Variants in DLC1 observed in about 807,000 individuals in gnomAD.
The protein encoded by DLC1 is rho GTPase-activating protein 7.
In DLC1, 54 loss-of-function variants were observed where a neutral mutation model predicts 140.3. The observed-to-expected ratio is 0.38, with a 90% CI of 0.31 to 0.48. The LOEUF (loss-of-function observed/expected upper bound fraction) is 0.48. DLC1 is among the 20% of genes least tolerant of loss of function. The pLI is 0.96. For missense variants in DLC1, 2,536 were observed against 1,907.0 expected (o/e 1.33, Z -6.14); for synonymous variants, 986 against 728.1 (o/e 1.35, Z -5.70).
intron 6 of DLC1, among the ~76,000 whole-genome samples, chr8:13,114,876 G>C (rs968599123): frequency 6.6e-6 from 1 of 152,210 alleles, no homozygotes; most frequent in Non-Finnish European, 1.5e-5. Context: ...TGGATACACA[G>C]ATTGGTAAGA....
intron 5 of DLC1, among the ~76,000 whole-genome samples, chr8:13,298,877 AT>A (rs1428566293): frequency 3.9e-5 from 6 of 152,260 alleles, no homozygotes; most frequent in Admixed American, 6.5e-5. Flanking sequence ...AGTTGAAACT[AT>A]TTTTTTAAGC....
chr8:13,445,374 A>C (rs1197817510), intron 2 of DLC1, among the ~76,000 whole-genome samples: 1 of 152,158 alleles, frequency 6.6e-6, no homozygotes, highest in Non-Finnish European at 1.5e-5. Flanking sequence ...GCACTAACAA[A>C]CAGAAGTCTG....
intron 2 of DLC1, among the ~76,000 whole-genome samples, chr8:13,403,479 CT>C (rs1394091679): frequency 6.6e-6 from 1 of 152,126 alleles, no homozygotes; most frequent in African/African-American, 2.4e-5. Context: ...TATATAATTT[CT>C]TTTTCTTTTA....
chr8:13,591,589 C>A (rs977265710), intron 1 of DLC1, among the ~76,000 whole-genome samples: 1 of 152,024 alleles, frequency 6.6e-6, no homozygotes, highest in Non-Finnish European at 1.5e-5. Context: ...TTCTTCATAG[C>A]AGCATGAGAA....
chr8:13,418,875 C>T (rs1475152834), intron 2 of DLC1, among the ~76,000 whole-genome samples: 2 of 151,992 alleles, frequency 1.3e-5, no homozygotes, highest in Non-Finnish European at 2.9e-5. Flanking sequence ...TTCTTTGTAT[C>T]CTCTTTTATT....
At chr8:13,406,067 C>T (rs1837543136) in intron 2 of DLC1, among the ~76,000 whole-genome samples, 1 of 146,940 alleles carries the variant, frequency 6.8e-6, no homozygotes, top group Admixed American at 6.8e-5. Flanking sequence ...AGTGCAGTGG[C>T]ACAATCTTGG....
At chr8:13,381,756 C>G (rs996628607) in intron 4 of DLC1, among the ~76,000 whole-genome samples, 2 of 152,108 alleles carry the variant, frequency 1.3e-5, no homozygotes, top group Non-Finnish European at 2.9e-5. Flanking sequence ...ACTGAATTCT[C>G]AATACCTGCA....
chr8:13,212,237 G>T (rs752597439), intron 5 of DLC1, among the ~76,000 whole-genome samples: 1 of 152,126 alleles, frequency 6.6e-6, no homozygotes, highest in South Asian at 2.1e-4. Context: ...AACCAGCCAC[G>T]ATGGCCTTCT....
intron 5 of DLC1, among the ~76,000 whole-genome samples, chr8:13,184,942 T>G (rs1370354450): frequency 6.6e-6 from 1 of 152,140 alleles, no homozygotes; most frequent in African/African-American, 2.4e-5. Flanking sequence ...TAATGCTCTT[T>G]GTAGGTCTGT....
intron 5 of DLC1, among the ~76,000 whole-genome samples, chr8:13,163,483 A>T (rs893523269): frequency 5.3e-5 from 8 of 152,260 alleles, no homozygotes; most frequent in Non-Finnish European, 1.0e-4. Flanking sequence ...CAATGAAAGG[A>T]TGAATTTAGG....
intron 4 of DLC1, among the ~76,000 whole-genome samples, chr8:13,382,707 T>C (rs187037214): frequency 6.6e-6 from 1 of 152,210 alleles, no homozygotes; most frequent in East Asian, 1.9e-4. Flanking sequence ...GGTCTCAAAA[T>C]AAAATCCTTT....
chr8:13,557,043 G>C (rs540491520), intron 1 of DLC1, among the ~76,000 whole-genome samples: 2 of 152,290 alleles, frequency 1.3e-5, no homozygotes, highest in South Asian at 4.1e-4. Flanking sequence ...GGGGTCTGAA[G>C]GGTGAGAAGT....
chr8:13,405,765 C>T (rs1837501227), intron 2 of DLC1, among the ~76,000 whole-genome samples: 1 of 152,030 alleles, frequency 6.6e-6, no homozygotes, highest in African/African-American at 2.4e-5. Context: ...TGCAAGAAAC[C>T]TGTGAAGTCG....
chr8:13,352,850 C>T (rs1372260082), intron 4 of DLC1, among the ~76,000 whole-genome samples: 1 of 151,986 alleles, frequency 6.6e-6, no homozygotes, highest in Admixed American at 6.6e-5. Flanking sequence ...TGAATGCACA[C>T]CTACCAGGAA....
intron 2 of DLC1, among the ~76,000 whole-genome samples, chr8:13,416,596 AG>A (rs1202604920): frequency 6.6e-6 from 1 of 152,214 alleles, no homozygotes; most frequent in African/African-American, 2.4e-5. Context: ...AGAATCAAAT[AG>A]AAATAAAACA....
intron 5 of DLC1, among the ~76,000 whole-genome samples, chr8:13,213,195 T>C (rs1183984595): frequency 6.6e-6 from 1 of 152,190 alleles, no homozygotes; most frequent in African/African-American, 2.4e-5. Context: ...AGAATTTTCT[T>C]CAGACATTTT....
intron 1 of DLC1, among the ~76,000 whole-genome samples, chr8:13,503,351 C>G (rs1391431602): frequency 6.6e-6 from 1 of 151,950 alleles, no homozygotes; most frequent in Non-Finnish European, 1.5e-5. Context: ...CTGCAGTGAG[C>G]CATGATCGCA....
chr8:13,152,102 TTGCTTTGAG>T (rs1371670914), intron 5 of DLC1, among the ~76,000 whole-genome samples: 1 of 152,220 alleles, frequency 6.6e-6, no homozygotes, highest in Non-Finnish European at 1.5e-5. Context: ...AGTCTCAGGG[TTGCTTTGAG>T]TGCACAACTG....
intron 2 of DLC1, among the ~76,000 whole-genome samples, chr8:13,410,605 AT>A (rs1370811467): frequency 6.6e-6 from 1 of 152,164 alleles, no homozygotes; most frequent in African/African-American, 2.4e-5. Context: ...AAAAAAGACT[AT>A]AAAATACCTA....
Sources: allele counts gnomAD v4.1 joint callset (sites outside exome capture counted in the v4.1 genomes callset), GRCh38; gene constraint gnomAD v4.1.1; transcripts MANE v1.5; gene names NCBI Gene and HGNC (gene_info 2026-07-23, HGNC 2026-07-21).